CIT: variants seen among roughly 807,000 people sequenced by gnomAD.
CIT encodes citron Rho-interacting kinase.
Under a neutral mutation model 272.7 loss-of-function variants are expected in CIT, and 79 were observed. The ratio of observed to expected loss-of-function variants is 0.29; its 90% CI spans 0.24 to 0.35. The LOEUF (loss-of-function observed/expected upper bound fraction) is 0.35, where lower values mean the gene tolerates loss of function less well. Ranked by LOEUF, CIT falls within the 10% of genes least tolerant of loss-of-function variation. The probability of loss-of-function intolerance (pLI) is 1.00; values close to 1 mark genes in which losing one functional copy is unlikely to be tolerated. For missense variants in CIT, 1,909 were observed against 2,618.3 expected (o/e 0.73, Z 5.91); for synonymous variants, 948 against 995.6 (o/e 0.95, Z 0.90).
At chr12:119,800,839 C>G (rs1300333072) in intron 10 of CIT, among the ~76,000 whole-genome samples, 2 of 152,170 alleles carry the variant, frequency 1.3e-5, no homozygotes, top group African/African-American at 4.8e-5. Flanking sequence ...CACTGCCTCT[C>G]TTTTATTAGA....
rs1334014881 is a variant in CIT, at chr12:119,757,565, G to C, written c.2532-20C>G. The stretch of plus-strand genomic sequence containing the variant: ...GCCTTCCTGGTGGGGGTGGTGGGAG[G>C]ATCCAAACAAAATCACAGTCTCATT... On this transcript the variant is annotated intron_variant, in intron 21 of 47. Transcript: ENST00000392521. 1 of 1,613,838 alleles carries C rather than the reference G, an allele frequency of 6.2e-7. No homozygotes were observed. Among genetic ancestry groups the C allele is most frequent in the Admixed American group, 1.7e-5 (1 of 59,986 alleles).
intron 3 of CIT, among the ~76,000 whole-genome samples, chr12:119,862,559 G>C (rs1026169655): frequency 3.3e-5 from 5 of 151,546 alleles, no homozygotes; most frequent in Non-Finnish European, 4.4e-5. Flanking sequence ...AGTGGCTCCC[G>C]CCTGTAATCC....
intron 28 of CIT, among the ~76,000 whole-genome samples, chr12:119,725,051 G>A (rs1403004146): frequency 2.6e-5 from 4 of 151,812 alleles, no homozygotes; most frequent in South Asian, 4.2e-4. Context: ...CAAGGATAAA[G>A]GGAATAGTGC....
intron 22 of CIT, among the ~76,000 whole-genome samples, chr12:119,752,829 G>C (rs949481462): frequency 6.6e-6 from 1 of 152,038 alleles, no homozygotes; most frequent in African/African-American, 2.4e-5. Flanking sequence ...CAATTTCTGT[G>C]GAAAATGGAA....
At chr12:119,763,572 C>A (rs1323929067) in intron 19 of CIT, among the ~76,000 whole-genome samples, 1 of 152,054 alleles carries the variant, frequency 6.6e-6, no homozygotes, top group Non-Finnish European at 1.5e-5. Context: ...ATAACGCCAG[C>A]GGTAAAAGAT....
chr12:119,709,779 AGAGAGAGAGTGT>A (rs1957061286), intron 39 of CIT, among the ~76,000 whole-genome samples: 3 of 60,218 alleles, frequency 5.0e-5, no homozygotes, highest in Non-Finnish European at 1.0e-4. Context: ...AGAGAGAGAG[AGAGAGAGAGTGT>A]GTGTGTGTGT....
chr12:119,708,652 A>AT (rs971545718), intron 39 of CIT, among the ~76,000 whole-genome samples: 13 of 150,530 alleles, frequency 8.6e-5, no homozygotes, highest in Admixed American at 2.7e-4. Flanking sequence ...CGCCTGGCTA[A>AT]TTTTTTTTTG....
At chr12:119,701,774 G>A (rs377716627) in intron 42 of CIT, 22 bp from the exon 43 acceptor site, 54 of 1,614,112 alleles carry the variant, frequency 3.3e-5, no homozygotes, top group African/African-American at 8.0e-5. Context: ...GGCGAGAAGC[G>A]GGGCTTCAGG....
chr12:119,701,201 AGGGGATGGGGAGGGGGAGGGGAGG>A, intron 43 of CIT, among the ~76,000 whole-genome samples: 1 of 46,502 alleles, frequency 2.2e-5, no homozygotes, highest in African/African-American at 1.5e-4. Flanking sequence ...GAGGGGAGGG[AGGGGATGGGGAGGGGGAGGGGAGG>A]GAGGGGATGG....
intron 14 of CIT, 71 bp from the exon 15 acceptor site, chr12:119,776,479 G>A: frequency 7.5e-7 from 1 of 1,334,216 alleles, no homozygotes; most frequent in Non-Finnish European, 1.1e-6. Flanking sequence ...CTACTTTCTT[G>A]GTCTCTGTGA....
At chr12:119,833,919 C>T (rs922431792) in intron 6 of CIT, among the ~76,000 whole-genome samples, 167 bp downstream of exon 6, 1 of 152,184 alleles carries the variant, frequency 6.6e-6, no homozygotes, top group African/African-American at 2.4e-5. Flanking sequence ...CTGAAATGTC[C>T]TCCATCTTGG....
At chr12:119,740,854 G>A (rs751148000) in intron 24 of CIT, among the ~76,000 whole-genome samples, 52 of 152,154 alleles carry the variant, frequency 3.4e-4, no homozygotes, top group Admixed American at 3.9e-4. Context: ...AGGAGGGATG[G>A]AGGAAATCCA....
chr12:119,746,940 G>A (rs910373738), intron 23 of CIT, among the ~76,000 whole-genome samples: 1 of 152,204 alleles, frequency 6.6e-6, no homozygotes. Flanking sequence ...AAAAGCTCAT[G>A]CAATAGAATA....
intron 6 of CIT, among the ~76,000 whole-genome samples, chr12:119,833,687 A>AATTC (rs1968803355): frequency 7.3e-6 from 1 of 136,784 alleles, no homozygotes; most frequent in East Asian, 2.3e-4. Context: ...AAAAAAAAAA[A>AATTC]TTGTAAATTC....
In CIT at chr12:119,690,505, G is replaced by A. The variant is rs748264941; in HGVS notation, c.5883-51C>T. On this transcript the variant is annotated intron_variant, in intron 46 of 47. Transcript: ENST00000392521. This position sits in a 1 kb window ranked among gnomAD's most constrained non-coding sequence, Gnocchi z 6.0. ...AGCTGCGAGGCCACAACCCCAGAGG[G>A]GCATTTTCCTTCTTACCTGAGCAAC... 1.5e-5 allele frequency: 22 copies of A among 1,490,922 alleles called. No individual in the cohort carries two copies. Among genetic ancestry groups the A allele is most frequent in the Non-Finnish European group, 1.6e-5 (18 of 1,128,624 alleles). 92.4% of individuals were successfully genotyped at this position (1,490,922 alleles called of 1,614,324 possible).
chr12:119,782,402 C>G, intron 13 of CIT, 116 bp downstream of exon 13: 3 of 1,186,554 alleles, frequency 2.5e-6, no homozygotes, highest in Non-Finnish European at 3.6e-6. Context: ...TTCCACTCTG[C>G]CCCCACCCTT....
Position 119,752,115 on chromosome 12 carries a change from G to A in CIT, c.2839C>T (p.Arg947Cys), listed in dbSNP as rs747447396. 12 of 1,612,722 alleles carry A rather than the reference G, an allele frequency of 7.4e-6. No individual in the cohort carries two copies. The highest frequency in any genetic ancestry group is 3.3e-5 in the South Asian group (3 of 91,022). The change falls in exon 23 of 48, where the codon CGC becomes TGC. Residue 947 changes from arginine (R) to cysteine (C), a missense_variant. Arg to Cys is a radical substitution (Grantham distance 180). Transcript: ENST00000392521. ...AARAALESQL[R>C]QAKTELEETT... ...TCTTCCAGCTCTGTCTTCGCCTGGCGAAGCTGGCTCTCCAGGGCCGCCCGT... is the reference window on the plus strand; with the variant it reads ...TCTTCCAGCTCTGTCTTCGCCTGGCAAAGCTGGCTCTCCAGGGCCGCCCGT...
At position 119,777,892 on chromosome 12, in the gene CIT, G is replaced by A. The variant is rs203365; in HGVS notation, c.1666-1050C>T. Among the ~76,000 whole-genome samples, 982 of 152,254 alleles carry A rather than the reference G, an allele frequency of 6.4e-3. 11 individuals are homozygous for A. Among genetic ancestry groups the A allele is most frequent in the African/African-American group, 0.022 (919 of 41,546 alleles). ...ATTTATATAGACTTGTCCTTTAGAAGTCATGTGCTCCTAACACAAATTGGA... is the reference window on the plus strand; with the variant it reads ...ATTTATATAGACTTGTCCTTTAGAAATCATGTGCTCCTAACACAAATTGGA... On this transcript the variant is annotated intron_variant, in intron 13 of 47. Coordinates refer to ENST00000392521, the MANE Select transcript of CIT (RefSeq NM_001206999.2).
At chr12:119,736,973 G>A (rs1678288982) in intron 24 of CIT, among the ~76,000 whole-genome samples, 1 of 152,158 alleles carries the variant, frequency 6.6e-6, no homozygotes, top group African/African-American at 2.4e-5. Flanking sequence ...CCTTTGCTGG[G>A]TTGGTTTCTT....
Sources: gnomAD v4.1 joint callset for allele counts (sites outside exome capture counted in the v4.1 genomes callset) on GRCh38, gnomAD v4.1.1 for gene constraint, Gnocchi (gnomAD v3.1) non-coding constraint, MANE v1.5 for transcripts, NCBI Gene and HGNC (gene_info 2026-07-23, HGNC 2026-07-21) for gene names.